Variants in EPSTI1 observed in about 807,000 individuals in gnomAD.
EPSTI1 encodes epithelial stromal interaction 1, also known as epithelial-stromal interaction protein 1.
EPSTI1 carries 66 observed loss-of-function variants against 49.9 expected under a neutral mutation model. The ratio of observed to expected loss-of-function variants is 1.32; its 90% CI spans 1.08 to 1.62. The LOEUF (loss-of-function observed/expected upper bound fraction) is 1.62, where lower values mean the gene tolerates loss of function less well. Ranked by LOEUF, EPSTI1 falls within the 40% of genes most tolerant of loss-of-function variation. The probability of loss-of-function intolerance (pLI) is 0.00; values close to 1 mark genes in which losing one functional copy is unlikely to be tolerated. For synonymous variants in EPSTI1, 137 were observed against 130.7 expected (o/e 1.05, Z -0.33); for missense variants, 394 against 365.5 (o/e 1.08, Z -0.64).
At chr13:42,984,417 T>C (rs1291583572) in intron 1 of EPSTI1, among the ~76,000 whole-genome samples, 1 of 152,228 alleles carries the variant, frequency 6.6e-6, no homozygotes, top group African/African-American at 2.4e-5. Flanking sequence ...ATAAGTTTGT[T>C]AAAACTTGTA....
At chr13:42,985,318 A>G (rs9567087) in intron 1 of EPSTI1, among the ~76,000 whole-genome samples, 46,601 of 152,162 alleles carry the variant, frequency 0.31, 7,776 homozygotes, top group East Asian at 0.51. Flanking sequence ...ACAAAAATCA[A>G]CAAGGGTAGA....
intron 6 of EPSTI1, among the ~76,000 whole-genome samples, chr13:42,937,211 C>A (rs1188536312): frequency 1.9e-5 from 2 of 104,218 alleles, no homozygotes; most frequent in African/African-American, 7.5e-5. Context: ...TTTAAAAATA[C>A]ACGTTGTTGC....
chr13:42,936,296 A>G (rs555677234), intron 6 of EPSTI1, among the ~76,000 whole-genome samples: 1 of 152,198 alleles, frequency 6.6e-6, no homozygotes, highest in South Asian at 2.1e-4. Context: ...GCCTCATTTC[A>G]TTGTTCTCAT....
At chr13:42,921,939 T>C (rs2038011722) in intron 7 of EPSTI1, among the ~76,000 whole-genome samples, 1 of 152,026 alleles carries the variant, frequency 6.6e-6, no homozygotes, top group African/African-American at 2.4e-5. Context: ...TCAAGAGGCA[T>C]TTTGTAGAAC....
rs1364881621 is a variant in EPSTI1, at chr13:42,902,932, T to C, written c.742-2549A>G. ...CCTCACGGTGGCTCATCATAAAGTA[T>C]ACACAGTCATGTCCAGAACTACAGG... On this transcript the variant is annotated intron_variant, in intron 8 of 10. Transcript: ENST00000313624. Among the ~76,000 whole-genome samples the C allele has an allele frequency of 3.3e-5, 5 of 152,220 alleles. 1 individual carries two copies. The highest frequency in any genetic ancestry group is 2.0e-4 in the Admixed American group (3 of 15,282).
chr13:42,967,532 G>A (rs990600365), intron 3 of EPSTI1, among the ~76,000 whole-genome samples: 2 of 152,186 alleles, frequency 1.3e-5, no homozygotes, highest in Admixed American at 6.5e-5. Flanking sequence ...TGATTCTCAT[G>A]AAAGAGAATG....
chr13:42,933,843 G>A (rs1301584760), intron 6 of EPSTI1: 4 of 148,830 alleles, frequency 2.7e-5, no homozygotes, highest in African/African-American at 9.7e-5. Flanking sequence ...CCAAACAAGA[G>A]GAATACCCCC....
intron 1 of EPSTI1, among the ~76,000 whole-genome samples, chr13:42,972,989 C>T (rs1269774887): frequency 1.3e-5 from 2 of 152,140 alleles, no homozygotes; most frequent in African/African-American, 4.8e-5. Context: ...AACTGAATAG[C>T]ACGAAATAAG....
At chr13:42,935,210 T>TC (rs2038518204) in intron 6 of EPSTI1, among the ~76,000 whole-genome samples, 1 of 152,220 alleles carries the variant, frequency 6.6e-6, no homozygotes, top group South Asian at 2.1e-4. Context: ...AACATTCCAG[T>TC]CTCTCTGGGA....
At chr13:42,903,131 A>G (rs1406936544) in intron 8 of EPSTI1, among the ~76,000 whole-genome samples, 1 of 152,200 alleles carries the variant, frequency 6.6e-6, no homozygotes, top group East Asian at 1.9e-4. Flanking sequence ...GAACAAACTA[A>G]CTCTCATTAG....
rs144295102 is a variant in EPSTI1, at chr13:42,971,053, T to C, written c.189-383A>G. ...CAGGAAACATTGGTACATTTTCTGT[T>C]CCCACAGACTGATCCTAGAGGCCAT... is the stretch of plus-strand genomic sequence containing the variant. On this transcript the variant is annotated intron_variant, in intron 1 of 10. Transcript: ENST00000313624. Among the ~76,000 whole-genome samples, 562 of 152,270 alleles carry C rather than the reference T, an allele frequency of 3.7e-3. 3 individuals carry two copies. The highest frequency in any genetic ancestry group is 0.013 in the African/African-American group (521 of 41,554).
chr13:42,896,741 G>T (rs1035189972), intron 9 of EPSTI1, among the ~76,000 whole-genome samples: 2 of 152,018 alleles, frequency 1.3e-5, no homozygotes, highest in South Asian at 2.1e-4. Flanking sequence ...CTTATAAAAG[G>T]TTGTGTTATC....
chr13:42,917,561 T>C lies in EPSTI1; in HGVS notation c.721A>G (p.Lys241Glu). The change falls in exon 8 of 11, where the codon AAG becomes GAG. Residue 241 changes from lysine (K) to glutamate (E), a missense_variant. Lys to Glu is a moderately conservative substitution (Grantham distance 56, BLOSUM62 1). Transcript: ENST00000313624. ...AEENRKLQKM[K>E]DEQHQKSELL... ...AGTACCTTTTGATGTTGTTCATCCT[T>C]CATCTTTTGCAATTTTCTGTTTTCT... 1 of 1,587,598 alleles carries C rather than the reference T, an allele frequency of 6.3e-7. No individual in the cohort carries two copies. The highest frequency in any genetic ancestry group is 8.6e-7 in the Non-Finnish European group (1 of 1,163,508).
chr13:42,992,064 C>T lies in EPSTI1; in HGVS notation c.102G>A (p.Leu34=), dbSNP rs754820168. 3.7e-6 allele frequency: 6 copies of T among 1,613,392 alleles called. No individual in the cohort carries two copies. The South Asian group carries it at 5.5e-5, about 15-fold the overall frequency. ...PQDPSGRQGE[L]SPVEDQREGL... ...CCTCTCTCTGGTCTTCCACGGGGCT[C>T]AGCTCCCCTTGCCGCCCAGAAGGGT... is the stretch of plus-strand genomic sequence containing the variant. Residue 34 remains leucine, a synonymous_variant, in exon 1 of 11, where the codon CTG becomes CTA. Coordinates refer to ENST00000313624, the MANE Select transcript of EPSTI1 (RefSeq NM_033255.5).
At position 42,888,135 on chromosome 13, in the gene EPSTI1, G is replaced by C. The variant is rs1250388337; in HGVS notation, c.*359C>G. 2 of 1,260,918 alleles carry C rather than the reference G, an allele frequency of 1.6e-6. No homozygotes were observed. Among genetic ancestry groups the C allele is most frequent in the East Asian group, 4.7e-5 (2 of 42,588 alleles). The allele number at this position is 1,260,918 out of a possible 1,614,324, so 78.1% of individuals were successfully genotyped here. On this transcript the variant is annotated 3_prime_UTR_variant, in exon 11 of 11. Coordinates refer to ENST00000313624, the MANE Select transcript of EPSTI1 (RefSeq NM_033255.5). ...AAAACCTGATCTGAGAATTAGATAA[G>C]AATATGTCACTTAGAAAGACAAGCC...
In EPSTI1 at chr13:42,905,636, T is replaced by C. The variant is rs536160482; in HGVS notation, c.742-5253A>G. 6.3e-4 allele frequency among the ~76,000 whole-genome samples: 96 copies of C among 152,276 alleles called. 3 individuals carry two copies. The South Asian group carries it at 0.019, about 30-fold the overall frequency. Reference sequence around the variant, plus strand: ...ACAATGACATGCAACATCTGAGGCATTGTTAAGGCCTGGCCTACTCAATGC... The same window carrying C: ...ACAATGACATGCAACATCTGAGGCACTGTTAAGGCCTGGCCTACTCAATGC... On this transcript the variant is annotated intron_variant, in intron 8 of 10. Transcript: ENST00000313624.
chr13:42,944,982 C>G (rs139141206), intron 6 of EPSTI1, among the ~76,000 whole-genome samples: 6 of 152,300 alleles, frequency 3.9e-5, no homozygotes, highest in African/African-American at 1.4e-4. Flanking sequence ...GACACCTCAT[C>G]ATAGACCTAC....
chr13:42,918,872 T>G (rs578141279), intron 7 of EPSTI1, among the ~76,000 whole-genome samples: 1 of 152,224 alleles, frequency 6.6e-6, no homozygotes, highest in Admixed American at 6.5e-5. Context: ...CAACCCCTTC[T>G]TTTTATATTA....
chr13:42,947,833 T>C (rs908090229), intron 6 of EPSTI1, among the ~76,000 whole-genome samples: 1 of 152,216 alleles, frequency 6.6e-6, no homozygotes, highest in Non-Finnish European at 1.5e-5. Context: ...GTATGATAGA[T>C]GGGAGATCAA....
Sources: gnomAD v4.1 joint callset for allele counts (sites outside exome capture counted in the v4.1 genomes callset) on GRCh38, gnomAD v4.1.1 for gene constraint, MANE v1.5 for transcripts, NCBI Gene and HGNC (gene_info 2026-07-23, HGNC 2026-07-21) for gene names.